Variants in RALGAPA2 observed in about 807,000 individuals in gnomAD.
RALGAPA2 encodes the protein ral GTPase-activating protein subunit alpha-2.
In RALGAPA2, 139 loss-of-function variants were observed where a neutral mutation model predicts 230.4. That is an observed-to-expected ratio of 0.60 (90% CI 0.53 to 0.69). The LOEUF (loss-of-function observed/expected upper bound fraction) is 0.69. Among genes scored for constraint, RALGAPA2 ranks in the 30% least tolerant of loss-of-function variants. The pLI is 0.00. For missense variants in RALGAPA2, 2,163 were observed against 2,276.0 expected, an observed-to-expected ratio of 0.95 and a Z score of 1.01; for synonymous variants, 847 against 837.8, an observed-to-expected ratio of 1.01 and a Z score of -0.19.
Position 20,552,934 on chromosome 20 carries a change from C to T in RALGAPA2, c.3157-6102G>A, listed in dbSNP as rs761079364. ...GATTAAAAAATAAATCAAATCAACA[C>T]GGCCCTTTAAAAACAAAACAAAACA... On this transcript the variant is annotated intron_variant, in intron 23 of 39. Transcript: ENST00000202677. Among the ~76,000 whole-genome samples the T allele has an allele frequency of 1.5e-4, 22 of 151,628 alleles. 1 individual carries two copies. The highest frequency in any genetic ancestry group is 5.8e-4 in the East Asian group (3 of 5,180).
intron 3 of RALGAPA2, among the ~76,000 whole-genome samples, chr20:20,670,792 T>C (rs183268607): frequency 2.0e-5 from 3 of 151,068 alleles, no homozygotes; most frequent in Admixed American, 1.3e-4. Context: ...TACTAAAAAA[T>C]ATAACAATTA....
At chr20:20,681,573 A>G (rs1209237531) in intron 1 of RALGAPA2, among the ~76,000 whole-genome samples, 1 of 152,222 alleles carries the variant, frequency 6.6e-6, no homozygotes, top group Non-Finnish European at 1.5e-5. Flanking sequence ...CAAAGTAGTT[A>G]TCCACTGTCA....
chr20:20,513,031 T>C lies in RALGAPA2; in HGVS notation c.4338A>G (p.Gly1446=). Reference sequence around the variant, plus strand: ...AGCCCACTGGTGATCCCCCTACCGGTCCTTCTGTGGGTGTCTGAAGGTAGG... The same window carrying C: ...AGCCCACTGGTGATCCCCCTACCGGCCCTTCTGTGGGTGTCTGAAGGTAGG... ...LISYLQTPTE[G]PVGGSPVGSL... is the part of the protein sequence containing the mutation. The change falls in exon 32 of 40, where the codon GGA becomes GGG. Residue 1446 remains glycine (G), a synonymous_variant. Coordinates refer to ENST00000202677, the MANE Select transcript of RALGAPA2 (RefSeq NM_020343.4). The C allele has an allele frequency of 6.2e-7, 1 of 1,613,346 alleles. No homozygotes were observed. The highest frequency in any genetic ancestry group is 8.5e-7 in the Non-Finnish European group (1 of 1,179,586).
chr20:20,407,167 T>C (rs2059963973), intron 38 of RALGAPA2, among the ~76,000 whole-genome samples: 1 of 152,188 alleles, frequency 6.6e-6, no homozygotes, highest in Non-Finnish European at 1.5e-5. Flanking sequence ...TGATCTTTCC[T>C]GAAGTCCCTT....
intron 23 of RALGAPA2, 29 bp from the exon 24 acceptor site, chr20:20,546,861 T>C (rs759722169): frequency 1.3e-6 from 2 of 1,549,040 alleles, no homozygotes; most frequent in Admixed American, 4.2e-5. Flanking sequence ...AAAAACACAA[T>C]CGTAATGTTC....
At chr20:20,462,660 C>T (rs1014167804) in intron 37 of RALGAPA2, among the ~76,000 whole-genome samples, 46 of 152,144 alleles carry the variant, frequency 3.0e-4, no homozygotes, top group Admixed American at 2.4e-3. Flanking sequence ...CCCTAGATTA[C>T]CAAAAAAGTA....
chr20:20,572,041 T>A, intron 21 of RALGAPA2, 95 bp from the exon 22 acceptor site: 1 of 790,578 alleles, frequency 1.3e-6, no homozygotes, highest in South Asian at 1.6e-5. Context: ...CTGCTTTCAG[T>A]TAATTTCTAT....
chr20:20,421,446 G>C (rs563882281), intron 37 of RALGAPA2, among the ~76,000 whole-genome samples: 1 of 152,128 alleles, frequency 6.6e-6, no homozygotes, highest in Non-Finnish European at 1.5e-5. Flanking sequence ...TGAGGTGGGC[G>C]GATCACCTGA....
chr20:20,607,366 A>G (rs1332523854), intron 14 of RALGAPA2, among the ~76,000 whole-genome samples: 2 of 152,206 alleles, frequency 1.3e-5, no homozygotes, highest in Non-Finnish European at 2.9e-5. Context: ...AAGTAGGACT[A>G]AAGTAGTTAA....
chr20:20,468,859 C>T (rs2061477530), intron 37 of RALGAPA2, among the ~76,000 whole-genome samples: 1 of 152,098 alleles, frequency 6.6e-6, no homozygotes, highest in African/African-American at 2.4e-5. Context: ...AATCCATCAT[C>T]CCTGCCACTG....
At chr20:20,608,258 A>G (rs1008320318) in intron 14 of RALGAPA2, among the ~76,000 whole-genome samples, 1 of 152,168 alleles carries the variant, frequency 6.6e-6, no homozygotes, top group African/African-American at 2.4e-5. Context: ...CTACCAACAC[A>G]CTAAGGGGAC....
rs368660384 is a variant in RALGAPA2, at chr20:20,405,466, C to T, written c.5617+6561G>A. 9.8e-5 allele frequency among the ~76,000 whole-genome samples: 15 copies of T among 152,286 alleles called. No homozygotes were observed. The South Asian group carries it at 3.1e-3, about 32-fold the overall frequency. On this transcript the variant is annotated intron_variant, in intron 38 of 39. Transcript: ENST00000202677. ...CAGCCTCCAGGGGCAACAAGGACCA[C>T]GTCAGAGATGGTAACATCTGACAGG...
chr20:20,477,869 T>C (rs2061687590), intron 36 of RALGAPA2, among the ~76,000 whole-genome samples: 1 of 152,194 alleles, frequency 6.6e-6, no homozygotes, highest in Admixed American at 6.5e-5. Flanking sequence ...ATAATAGGCA[T>C]GAGCCACTGT....
intron 38 of RALGAPA2, among the ~76,000 whole-genome samples, chr20:20,401,071 G>A (rs986819195): frequency 6.6e-6 from 1 of 152,152 alleles, no homozygotes; most frequent in Non-Finnish European, 1.5e-5. Flanking sequence ...TGTTTAAAAG[G>A]GGGGATGAAA....
chr20:20,502,648 C>T (rs145852474), intron 35 of RALGAPA2, among the ~76,000 whole-genome samples: 239 of 152,300 alleles, frequency 1.6e-3, no homozygotes, highest in African/African-American at 5.5e-3. Flanking sequence ...AGGTGCTGCC[C>T]TCAGTCCCTT....
At chr20:20,684,833 C>T (rs886340838) in intron 1 of RALGAPA2, among the ~76,000 whole-genome samples, 2 of 152,134 alleles carry the variant, frequency 1.3e-5, no homozygotes, top group Admixed American at 6.5e-5. Flanking sequence ...GCCTGAAGAA[C>T]GGAGCTTGGT....
At position 20,653,593 on chromosome 20, in the gene RALGAPA2, A is replaced by G; in HGVS notation, c.271-6T>C. On this transcript the variant is annotated splice_region_variant and splice_polypyrimidine_tract_variant and intron_variant, in intron 3 of 39. Transcript: ENST00000202677. ...GGTAGAAACTGCAGTATTTTCTATT[A>G]AAAAAAGATATAAAGAAAATAAACA... The G allele has an allele frequency of 7.0e-7, 1 of 1,424,530 alleles. No individual in the cohort carries two copies. Among genetic ancestry groups the G allele is most frequent in the Non-Finnish European group, 9.6e-7 (1 of 1,039,532 alleles). 88.2% of individuals were successfully genotyped at this position (1,424,530 alleles called of 1,614,324 possible).
At chr20:20,521,322 T>A (rs1428368311) in intron 30 of RALGAPA2, among the ~76,000 whole-genome samples, 1 of 152,132 alleles carries the variant, frequency 6.6e-6, no homozygotes, top group Non-Finnish European at 1.5e-5. Flanking sequence ...AAGTAAAAGT[T>A]AAAAAGTACT....
intron 37 of RALGAPA2, among the ~76,000 whole-genome samples, chr20:20,432,564 A>G (rs2060523195): frequency 6.6e-6 from 1 of 152,358 alleles, no homozygotes; most frequent in East Asian, 1.9e-4. Context: ...AAAATTAAAA[A>G]CAAGAGCCAC....
Sources: allele counts gnomAD v4.1 joint callset (sites outside exome capture counted in the v4.1 genomes callset), GRCh38; gene constraint gnomAD v4.1.1; transcripts MANE v1.5; gene names NCBI Gene and HGNC (gene_info 2026-07-23, HGNC 2026-07-21).